Variants in PRKN observed in about 807,000 individuals in gnomAD.
The protein encoded by PRKN is parkin RBR E3 ubiquitin protein ligase.
PRKN carries 56 observed loss-of-function variants against 59.5 expected under a neutral mutation model. That is an observed-to-expected ratio of 0.94 (90% CI 0.76 to 1.18). PRKN has a LOEUF of 1.18. Among genes scored for constraint, PRKN ranks in the 50% most tolerant of loss-of-function variants. The probability of loss-of-function intolerance (pLI) is 0.00; values close to 1 mark genes in which losing one functional copy is unlikely to be tolerated. For synonymous variants in PRKN, 250 were observed against 222.1 expected (o/e 1.13, Z -1.12); for missense variants, 657 against 596.4 (o/e 1.10, Z -1.06).
chr6:161,629,107 G>T (rs890230703), intron 7 of PRKN, among the ~76,000 whole-genome samples: 31 of 152,174 alleles, frequency 2.0e-4, no homozygotes, highest in Non-Finnish European at 1.2e-4. Flanking sequence ...CTGGATCAAG[G>T]GATGATGGAA....
intron 10 of PRKN, among the ~76,000 whole-genome samples, chr6:161,370,304 G>A (rs1785387641): frequency 6.6e-6 from 1 of 151,386 alleles, no homozygotes; most frequent in African/African-American, 2.4e-5. Context: ...GCTGAATTAG[G>A]CTGGGCACGG....
chr6:162,270,717 A>C (rs1392890995), intron 2 of PRKN: 1 of 152,218 alleles, frequency 6.6e-6, no homozygotes, highest in Non-Finnish European at 1.5e-5. Context: ...TTTTACATTG[A>C]GTTCTTTCTT....
intron 6 of PRKN, among the ~76,000 whole-genome samples, chr6:161,898,584 C>G (rs563829470): frequency 2.6e-5 from 4 of 152,264 alleles, no homozygotes; most frequent in African/African-American, 9.6e-5. Flanking sequence ...CAGATGATTA[C>G]TAAATGGATG....
intron 6 of PRKN, among the ~76,000 whole-genome samples, chr6:161,881,948 T>C (rs996636689): frequency 6.6e-6 from 1 of 152,124 alleles, no homozygotes; most frequent in Admixed American, 6.5e-5. Flanking sequence ...AGTGGGAAAC[T>C]GAAACTGCCA....
chr6:162,567,605 GAAAT>G (rs1437331482), intron 1 of PRKN, among the ~76,000 whole-genome samples: 13 of 141,904 alleles, frequency 9.2e-5, no homozygotes, highest in African/African-American at 3.7e-4. Flanking sequence ...AAACACTAAT[GAAAT>G]AAATCAAAGA....
At chr6:161,455,289 G>A (rs1239723995) in intron 9 of PRKN, among the ~76,000 whole-genome samples, 2 of 151,784 alleles carry the variant, frequency 1.3e-5, no homozygotes, top group African/African-American at 2.4e-5. Context: ...CACCTGCCTC[G>A]GCCTCCTAAA....
At chr6:161,704,014 C>T (rs898754430) in intron 7 of PRKN, among the ~76,000 whole-genome samples, 2 of 151,982 alleles carry the variant, frequency 1.3e-5, no homozygotes, top group African/African-American at 4.8e-5. Context: ...CACCACCACA[C>T]CTGGCTAATT....
intron 2 of PRKN, among the ~76,000 whole-genome samples, chr6:162,392,428 T>G (rs1381202381): frequency 6.6e-6 from 1 of 152,160 alleles, no homozygotes; most frequent in African/African-American, 2.4e-5. Flanking sequence ...GTGCACCAGC[T>G]TGCCTGCTCT....
intron 9 of PRKN, among the ~76,000 whole-genome samples, chr6:161,481,044 C>T (rs1263637413): frequency 6.6e-6 from 1 of 152,236 alleles, no homozygotes; most frequent in African/African-American, 2.4e-5. Context: ...TGGGCAGGCA[C>T]TGCCCCTGAC....
chr6:161,603,015 T>C (rs1342868779), intron 7 of PRKN, among the ~76,000 whole-genome samples: 2 of 152,210 alleles, frequency 1.3e-5, no homozygotes, highest in East Asian at 3.8e-4. Flanking sequence ...TCCCTTGACC[T>C]GAACAAGAAA....
At position 161,385,340 on chromosome 6, in the gene PRKN, G is replaced by A. The variant is rs1453675462; in HGVS notation, c.1167+1454C>T. 1.3e-5 allele frequency among the ~76,000 whole-genome samples: 2 copies of A among 152,164 alleles called. No individual in the cohort carries two copies. Among genetic ancestry groups the A allele is most frequent in the Admixed American group, 6.5e-5 (1 of 15,278 alleles). On this transcript the variant is annotated intron_variant, in intron 10 of 11. Coordinates refer to ENST00000366898, the MANE Select transcript of PRKN (RefSeq NM_004562.3). This position sits in a 1 kb window ranked among gnomAD's most constrained non-coding sequence, Gnocchi z 4.9. ...CACTATTTGCAGACACAGTTCCCCC[G>A]ATGCTGGACATCTATGGTTTAGGTC...
intron 6 of PRKN, among the ~76,000 whole-genome samples, chr6:161,901,423 CCT>C (rs1333573148): frequency 3.9e-5 from 6 of 152,084 alleles, no homozygotes; most frequent in Non-Finnish European, 8.8e-5. Context: ...CTCCTTCACC[CCT>C]GTGCCTGGAG....
At chr6:162,453,700 C>T (rs965897147) in intron 1 of PRKN, among the ~76,000 whole-genome samples, 23 of 152,022 alleles carry the variant, frequency 1.5e-4, no homozygotes, top group African/African-American at 5.1e-4. Flanking sequence ...GTCAGGAGTT[C>T]GAGACCAGCC....
intron 2 of PRKN, among the ~76,000 whole-genome samples, chr6:162,329,415 C>A (rs1044119099): frequency 1.3e-5 from 2 of 152,044 alleles, no homozygotes; most frequent in African/African-American, 4.8e-5. Flanking sequence ...ACTACAGGGT[C>A]CTAAGGAGAG....
chr6:162,390,905 G>A (rs905113492), intron 2 of PRKN, among the ~76,000 whole-genome samples: 1 of 152,092 alleles, frequency 6.6e-6, no homozygotes, highest in African/African-American at 2.4e-5. Flanking sequence ...ATCTTCTGGG[G>A]AAGAAGAAAT....
In PRKN at chr6:161,372,660, C is replaced by A. The variant is rs539810477; in HGVS notation, c.1168-12455G>T. On this transcript the variant is annotated intron_variant, in intron 10 of 11. Coordinates refer to ENST00000366898, the MANE Select transcript of PRKN (RefSeq NM_004562.3). This position sits in a 1 kb window ranked among gnomAD's most constrained non-coding sequence, Gnocchi z 4.2. ...GGAAGCGCTTGTGCTGTGGCTCCCC[C>A]ACTACCCCTCTGGGTCTGAATCCAT... is the stretch of plus-strand genomic sequence containing the variant. Among the ~76,000 whole-genome samples, 2 of 152,078 alleles carry A rather than the reference C, an allele frequency of 1.3e-5. No individual in the cohort carries two copies. The highest frequency in any genetic ancestry group is 1.5e-5 in the Non-Finnish European group (1 of 68,016).
Position 161,459,289 on chromosome 6 carries a change from G to A in PRKN, c.1084-72412C>T, listed in dbSNP as rs140711107. ...TCTGCAACCTAAAGGAAATGCTGTG[G>A]TCTCTCTCTTAAGAATGAGAACATT... On this transcript the variant is annotated intron_variant, in intron 9 of 11. Coordinates refer to ENST00000366898, the MANE Select transcript of PRKN (RefSeq NM_004562.3). This position sits in a 1 kb window ranked among gnomAD's most constrained non-coding sequence, Gnocchi z 4.8. Among the ~76,000 whole-genome samples, 4 of 152,288 alleles carry A rather than the reference G, an allele frequency of 2.6e-5. No individual in the cohort carries two copies. Among genetic ancestry groups the A allele is most frequent in the Non-Finnish European group, 4.4e-5 (3 of 68,026 alleles).
chr6:162,169,210 G>A (rs1783140483), intron 4 of PRKN, among the ~76,000 whole-genome samples: 1 of 152,170 alleles, frequency 6.6e-6, no homozygotes. Context: ...AAAGAACACT[G>A]GCTTCAAAGT....
chr6:162,021,143 TATATATATATATATATATATATA>T (rs1783149668), intron 5 of PRKN, among the ~76,000 whole-genome samples: 2 of 10,788 alleles, frequency 1.9e-4, no homozygotes, highest in Non-Finnish European at 3.4e-4. Flanking sequence ...TATATATATA[TATATATATATATATATATATATA>T]AAATATATGT....
Sources: allele counts gnomAD v4.1 joint callset (sites outside exome capture counted in the v4.1 genomes callset), GRCh38; gene constraint gnomAD v4.1.1; non-coding constraint Gnocchi (gnomAD v3.1); transcripts MANE v1.5; gene names NCBI Gene and HGNC (gene_info 2026-07-23, HGNC 2026-07-21).